The following SSBP2 variants were observed in gnomAD, a reference collection of about 807,000 sequenced individuals.
SSBP2 encodes the protein single stranded DNA binding protein 2.
In SSBP2, 17 loss-of-function variants were observed where a neutral mutation model predicts 61.8. That is an observed-to-expected ratio of 0.28 (90% CI 0.19 to 0.41). SSBP2 has a LOEUF of 0.41. Among genes scored for constraint, SSBP2 ranks in the 10% least tolerant of loss-of-function variants. The pLI, the probability that SSBP2 is intolerant of heterozygous loss-of-function variation, is 1.00. For missense variants in SSBP2, 310 were observed against 458.7 expected, an observed-to-expected ratio of 0.68 and a Z score of 2.96; for synonymous variants, 139 against 141.3, an observed-to-expected ratio of 0.98 and a Z score of 0.12.
intron 4 of SSBP2, among the ~76,000 whole-genome samples, chr5:81,591,713 T>C (rs1247016263): frequency 6.6e-6 from 1 of 151,542 alleles, no homozygotes. Context: ...TGGAAATAGA[T>C]TGAAAAAAAG....
chr5:81,520,336 G>C (rs993648379), intron 4 of SSBP2, among the ~76,000 whole-genome samples: 1 of 152,064 alleles, frequency 6.6e-6, no homozygotes, highest in Admixed American at 6.6e-5. Flanking sequence ...ATTTGGCTCT[G>C]AATCTACCCT....
intron 4 of SSBP2, among the ~76,000 whole-genome samples, chr5:81,575,171 G>A (rs1581063191): frequency 6.6e-6 from 1 of 152,306 alleles, no homozygotes; most frequent in Admixed American, 6.5e-5. Context: ...GGGAGGCTGA[G>A]GCAGGAGAAT....
intron 4 of SSBP2, among the ~76,000 whole-genome samples, chr5:81,542,601 T>C (rs1364274905): frequency 1.3e-5 from 2 of 148,856 alleles, no homozygotes; most frequent in African/African-American, 4.9e-5. Flanking sequence ...CACCATGGAA[T>C]ACTATGCATC....
chr5:81,589,874 GGA>G lies in SSBP2; in HGVS notation c.282+25597_282+25598del, dbSNP rs151202879. On this transcript the variant is annotated intron_variant, in intron 4 of 16. Transcript: ENST00000320672. ...GTGAGAGAGCAAGAGGGTGAGAGAGGGAGAGAGAGAGAGAGAGATCAAACTCA... is the reference window on the plus strand; with the variant it reads ...GTGAGAGAGCAAGAGGGTGAGAGAGGGAGAGAGAGAGAGAGATCAAACTCA... 1.7e-4 allele frequency among the ~76,000 whole-genome samples: 26 copies of G among 150,572 alleles called. No homozygotes were observed. In the East Asian group the frequency reaches 4.1e-3, roughly 24 times the overall value.
intron 15 of SSBP2, among the ~76,000 whole-genome samples, chr5:81,437,108 T>G (rs1030657798): frequency 5.9e-5 from 9 of 151,858 alleles, no homozygotes; most frequent in Non-Finnish European, 1.2e-4. Context: ...CAAAAGATTA[T>G]CTAAATTCTG....
At chr5:81,467,116 G>C (rs975707691) in intron 8 of SSBP2, 51 bp from the exon 9 acceptor site, 44 of 1,207,184 alleles carry the variant, frequency 3.6e-5, no homozygotes, top group Non-Finnish European at 4.8e-5. Context: ...AAAGAAAGGA[G>C]AGCACGTTAA....
At chr5:81,431,376 A>ATT (rs1762275442) in intron 15 of SSBP2, among the ~76,000 whole-genome samples, 2 of 152,192 alleles carry the variant, frequency 1.3e-5, no homozygotes, top group Non-Finnish European at 2.9e-5. Flanking sequence ...CAACTTCAAG[A>ATT]AATTTTATTA....
At chr5:81,484,979 C>T (rs1766274757) in intron 6 of SSBP2, among the ~76,000 whole-genome samples, 1 of 152,106 alleles carries the variant, frequency 6.6e-6, no homozygotes, top group Non-Finnish European at 1.5e-5. Flanking sequence ...ATCAACAGAT[C>T]TATAGTTAAA....
chr5:81,500,059 C>T (rs914197365), intron 5 of SSBP2, among the ~76,000 whole-genome samples: 3 of 152,136 alleles, frequency 2.0e-5, no homozygotes, highest in Non-Finnish European at 4.4e-5. Flanking sequence ...TCTGATATAA[C>T]TGGCTGGTTA....
At chr5:81,576,322 TG>T (rs1455402882) in intron 4 of SSBP2, among the ~76,000 whole-genome samples, 1 of 152,158 alleles carries the variant, frequency 6.6e-6, no homozygotes, top group Non-Finnish European at 1.5e-5. Flanking sequence ...GAGATTATTC[TG>T]CTAAAATAGC....
intron 4 of SSBP2, among the ~76,000 whole-genome samples, chr5:81,594,406 C>T (rs1021238665): frequency 6.6e-6 from 1 of 152,108 alleles, no homozygotes; most frequent in Non-Finnish European, 1.5e-5. Flanking sequence ...GACTTTAACA[C>T]CCCACTGTCA....
intron 1 of SSBP2, chr5:81,710,586 A>C (rs1450203715): frequency 2.4e-6 from 1 of 413,278 alleles, no homozygotes; most frequent in Non-Finnish European, 4.8e-6. Flanking sequence ...ACTAGAGGGG[A>C]CTTCAACTGA....
intron 16 of SSBP2, among the ~76,000 whole-genome samples, chr5:81,426,951 C>T (rs1014740964): frequency 6.6e-6 from 1 of 152,196 alleles, no homozygotes; most frequent in Non-Finnish European, 1.5e-5. Flanking sequence ...ATTAATCTGA[C>T]ACGTTTTAGT....
At chr5:81,476,126 T>C (rs1765574539) in intron 6 of SSBP2, among the ~76,000 whole-genome samples, 1 of 152,024 alleles carries the variant, frequency 6.6e-6, no homozygotes, top group African/African-American at 2.4e-5. Context: ...TTTTCAGAAC[T>C]ACTTAATAGC....
At chr5:81,488,009 TAA>T (rs1766510361) in intron 6 of SSBP2, among the ~76,000 whole-genome samples, 31 of 88,318 alleles carry the variant, frequency 3.5e-4, no homozygotes, top group Admixed American at 5.7e-4. Context: ...TATGGCCAAA[TAA>T]TATATATATA....
At chr5:81,567,221 G>A (rs1471234649) in intron 4 of SSBP2, among the ~76,000 whole-genome samples, 2 of 152,190 alleles carry the variant, frequency 1.3e-5, no homozygotes, top group South Asian at 2.1e-4. Context: ...AGGCCAAGGA[G>A]GAAAAAGTAG....
chr5:81,615,567 T>C lies in SSBP2; in HGVS notation c.198-10A>G, dbSNP rs1745929388. ...GAGATCCCAAAATACACTAAAAAAG[T>C]AATCATGGTAACATTAAGAAAATCA... On this transcript the variant is annotated splice_polypyrimidine_tract_variant and intron_variant, in intron 3 of 16. Transcript: ENST00000320672. 3 of 1,582,990 alleles carry C rather than the reference T, an allele frequency of 1.9e-6. No individual in the cohort carries two copies. In the African/African-American group the frequency reaches 4.0e-5, roughly 21 times the overall value.
chr5:81,463,126 C>T (rs971464260), intron 9 of SSBP2, among the ~76,000 whole-genome samples: 1 of 151,898 alleles, frequency 6.6e-6, no homozygotes, highest in Non-Finnish European at 1.5e-5. Flanking sequence ...TTTCATTTTA[C>T]TATTAAGTAT....
At position 81,413,366 on chromosome 5, in the gene SSBP2, G is replaced by A. The variant is rs879500513; in HGVS notation, c.*7138C>T. 2.6e-5 allele frequency: 4 copies of A among 152,144 alleles called. No individual in the cohort carries two copies. The highest frequency in any genetic ancestry group is 4.4e-5 in the Non-Finnish European group (3 of 68,006). 9.4% of individuals were successfully genotyped at this position (152,144 alleles called of 1,614,324 possible). ...ATGTGTCAGGTAGCTGGTGGCCATC[G>A]TTGAATTAAGAATAGTAGATTACTA... On this transcript the variant is annotated 3_prime_UTR_variant, in exon 17 of 17. Transcript: ENST00000320672.
Sources: allele counts gnomAD v4.1 joint callset (sites outside exome capture counted in the v4.1 genomes callset), GRCh38; gene constraint gnomAD v4.1.1; transcripts MANE v1.5; gene names NCBI Gene and HGNC (gene_info 2026-07-23, HGNC 2026-07-21).